The following SPTA1 variants were observed in gnomAD, a reference collection of about 807,000 sequenced individuals.
The protein encoded by SPTA1 is spectrin alpha chain, erythrocytic 1.
SPTA1 carries 177 observed loss-of-function variants against 324.7 expected under a neutral mutation model. The observed-to-expected ratio is 0.55, with a 90% CI of 0.48 to 0.62. The LOEUF is 0.62. Among genes scored for constraint, SPTA1 ranks in the 20% least tolerant of loss-of-function variants. The pLI, the probability that SPTA1 is intolerant of heterozygous loss-of-function variation, is 0.00. For missense variants in SPTA1, 3,162 were observed against 2,883.6 expected, an observed-to-expected ratio of 1.10 and a Z score of -2.21; for synonymous variants, 1,195 against 1,041.3, an observed-to-expected ratio of 1.15 and a Z score of -2.84.
intron 23 of SPTA1, 110 bp from the exon 24 acceptor site, chr1:158,651,578 T>C: frequency 1.3e-6 from 1 of 777,446 alleles, no homozygotes; most frequent in Non-Finnish European, 2.3e-6. Flanking sequence ...TACATCACCG[T>C]AATACACACC....
chr1:158,670,746 A>G (rs1653962650), intron 12 of SPTA1, among the ~76,000 whole-genome samples: 1 of 152,336 alleles, frequency 6.6e-6, no homozygotes, highest in South Asian at 2.1e-4. Context: ...CTGTAGTCAT[A>G]TATGATGAAA....
chr1:158,626,183 G>A lies in SPTA1; in HGVS notation c.5873C>T (p.Ala1958Val). ...ETSLKTNGNG[A>V]DLGDFLTLLA... is the part of the protein sequence containing the mutation. Reference sequence around the variant, plus strand: ...AAGAGTGAGGAAGTCACCAAGGTCTGCACCATTGCCATTGGTCTTTAGGCT... The same window carrying A: ...AAGAGTGAGGAAGTCACCAAGGTCTACACCATTGCCATTGGTCTTTAGGCT... The change falls in exon 42 of 52, where the codon GCA becomes GTA. Residue 1958 changes from alanine to valine, a missense_variant. By Grantham distance (64) the Ala-to-Val change is moderately conservative (BLOSUM62 0). Transcript: ENST00000643759. 1 of 1,613,708 alleles carries A rather than the reference G, an allele frequency of 6.2e-7. No homozygotes were observed. The highest frequency in any genetic ancestry group is 8.5e-7 in the Non-Finnish European group (1 of 1,179,702).
rs1653715655 is a variant in SPTA1 at position 158,667,778 on chromosome 1, T to C, written c.2038+80A>G. On this transcript the variant is annotated intron_variant, in intron 15 of 51. Coordinates refer to ENST00000643759, the MANE Select transcript of SPTA1 (RefSeq NM_003126.4). ...ATACCTTCTCATAGAGGCCACCAGA[T>C]AAATTTACAGTGGTAAAGATAAAGG... 3 of 1,479,812 alleles carry C rather than the reference T, an allele frequency of 2.0e-6. No homozygotes were observed. The Admixed American group carries it at 5.9e-5, about 29-fold the overall frequency. The allele number at this position is 1,479,812 out of a possible 1,614,324, so 91.7% of individuals were successfully genotyped here.
rs1649226062 is a variant in SPTA1 at position 158,611,116 on chromosome 1, T to C, written c.*148A>G. On this transcript the variant is annotated 3_prime_UTR_variant, in exon 52 of 52. Coordinates refer to ENST00000643759, the MANE Select transcript of SPTA1 (RefSeq NM_003126.4). ...TTAAGATCCTACAATAAATGTAATA[T>C]GCACACAAACACAAGCACACACACA... 1 of 1,001,326 alleles carries C rather than the reference T, an allele frequency of 1.0e-6. No homozygotes were observed. Among genetic ancestry groups the C allele is most frequent in the Non-Finnish European group, 1.5e-6 (1 of 679,454 alleles). 62.0% of individuals were successfully genotyped at this position (1,001,326 alleles called of 1,614,324 possible). A position where few individuals can be genotyped will look rare whatever the true frequency, so the allele number is the denominator to read the frequency against.
Position 158,626,130 on chromosome 1 carries a change from C to A in SPTA1, c.5910+16G>T. The A allele has an allele frequency of 6.2e-7, 1 of 1,611,694 alleles. No individual in the cohort carries two copies. Among genetic ancestry groups the A allele is most frequent in the Non-Finnish European group, 8.5e-7 (1 of 1,177,844 alleles). On this transcript the variant is annotated intron_variant, in intron 42 of 51. Transcript: ENST00000643759. ...TGAATCAGGTCTTGGGCTTACCTAA[C>A]ATCTATCAATCTCACCTGTTTTGCC...
chr1:158,640,658 T>C (rs953873992), intron 33 of SPTA1, among the ~76,000 whole-genome samples: 3 of 151,908 alleles, frequency 2.0e-5, no homozygotes, highest in African/African-American at 7.3e-5. Context: ...CACTGCTCAA[T>C]GAAATAAAAG....
At chr1:158,654,796 C>T in intron 20 of SPTA1, 48 bp from the exon 21 acceptor site, 1 of 1,609,108 alleles carries the variant, frequency 6.2e-7, no homozygotes, top group Non-Finnish European at 8.5e-7. Flanking sequence ...GGAAATATCT[C>T]CCTGTACAGC....
chr1:158,653,062 A>T (rs1041319750), intron 22 of SPTA1, among the ~76,000 whole-genome samples: 3 of 152,196 alleles, frequency 2.0e-5, no homozygotes, highest in Non-Finnish European at 2.9e-5. Context: ...GAAGTGTATG[A>T]CCTCAGGAAA....
Position 158,647,557 on chromosome 1 carries a change from A to C in SPTA1, c.3878T>G (p.Leu1293Arg), listed in dbSNP as rs780047679. 6.2e-7 allele frequency: 1 copy of C among 1,613,516 alleles called. No individual in the cohort carries two copies. The change falls in exon 27 of 52, where the codon CTG (leucine) becomes CGG (arginine). Residue 1293 changes from leucine to arginine, a missense_variant. Physicochemically the swap from Leu to Arg is moderately radical, Grantham distance 102. Transcript: ENST00000643759. Reference protein sequence around the residue: ...ESLNEAQKFYLFLSKARDLQN... With the variant: ...ESLNEAQKFYRFLSKARDLQN... ...ACTCTACCTGGCCTTGCTGAGGAAC[A>C]GGTAGAATTTCTGGGCCTCATTTAG...
intron 38 of SPTA1, 32 bp downstream of exon 38, chr1:158,635,881 G>C (rs149757783): frequency 4.0e-5 from 65 of 1,613,956 alleles, no homozygotes; most frequent in Middle Eastern, 1.6e-4. Flanking sequence ...CAAAATCCAG[G>C]AAGGGAACTG....
chr1:158,656,539 C>T (rs1055783689), intron 20 of SPTA1, 25 bp downstream of exon 20: 2 of 1,594,360 alleles, frequency 1.3e-6, no homozygotes, highest in African/African-American at 2.7e-5. Context: ...AAGTGTGAAT[C>T]CTGTCATCGC....
At chr1:158,659,586 CTTAGCATTATTTTTTTTTTTTTT>C (rs1653052633) in intron 18 of SPTA1, among the ~76,000 whole-genome samples, 1 of 121,080 alleles carries the variant, frequency 8.3e-6, no homozygotes, top group Non-Finnish European at 1.8e-5. Flanking sequence ...AAATAATAGT[CTTAGCATTATTTTTTTTTTTTTT>C]TTTTTTTTTT....
intron 4 of SPTA1, 133 bp from the exon 5 acceptor site, chr1:158,680,862 C>T: frequency 8.4e-7 from 1 of 1,186,006 alleles, no homozygotes; most frequent in Non-Finnish European, 1.2e-6. Context: ...AGAAGCTCTC[C>T]TGGAAAAGGC....
intron 44 of SPTA1, among the ~76,000 whole-genome samples, 175 bp downstream of exon 44, chr1:158,619,995 G>A (rs920437868): frequency 6.6e-6 from 1 of 151,988 alleles, no homozygotes; most frequent in East Asian, 1.9e-4. Context: ...TGGGGCATAG[G>A]GTATACCTAT....
chr1:158,613,915 A>G, intron 49 of SPTA1, 48 bp from the exon 50 acceptor site: 1 of 1,587,614 alleles, frequency 6.3e-7, no homozygotes. Context: ...CAATAGAAAA[A>G]CCAAGTGAGA....
intron 23 of SPTA1, among the ~76,000 whole-genome samples, 177 bp from the exon 24 acceptor site, chr1:158,651,645 T>C (rs1351676472): frequency 6.6e-6 from 1 of 152,182 alleles, no homozygotes; most frequent in Non-Finnish European, 1.5e-5. Context: ...TCTTGACACC[T>C]AGTGGCTGTC....
intron 5 of SPTA1, among the ~76,000 whole-genome samples, chr1:158,679,307 T>C (rs1220089308): frequency 6.6e-6 from 1 of 152,094 alleles, no homozygotes; most frequent in Admixed American, 6.6e-5. Flanking sequence ...CTGTGTTGGA[T>C]TTATTCTTTC....
At chr1:158,635,784 G>C (rs546850961) in intron 38 of SPTA1, 129 bp downstream of exon 38, 1 of 1,362,970 alleles carries the variant, frequency 7.3e-7, no homozygotes, top group Non-Finnish European at 1.0e-6. Context: ...CATTTGAGAA[G>C]GGACTTAAGG....
At position 158,639,891 on chromosome 1, in the gene SPTA1, GT is replaced by G; in HGVS notation, c.4853del (p.Asp1618AlafsTer15). The G allele has an allele frequency of 6.2e-7, 1 of 1,613,902 alleles. No homozygotes were observed. The highest frequency in any genetic ancestry group is 8.5e-7 in the Non-Finnish European group (1 of 1,179,924). Reference protein sequence around the residue: ...RQQRFNTSIRDFEFWLSEAET... With the variant: ...RQQRFNTSIRXFEFWLSEAET... ...TTACCTCTGAGAGCCAGAACTCAAA[GT>G]CCCGGATGCTTGTGTTGAACCTCTG... On this transcript the variant is annotated frameshift_variant, in exon 34 of 52. Coordinates refer to ENST00000643759, the MANE Select transcript of SPTA1 (RefSeq NM_003126.4). LOFTEE classifies it high-confidence loss of function.
Sources: allele counts gnomAD v4.1 joint callset (sites outside exome capture counted in the v4.1 genomes callset), GRCh38; gene constraint gnomAD v4.1.1; transcripts MANE v1.5; gene names NCBI Gene and HGNC (gene_info 2026-07-23, HGNC 2026-07-21).